The following DHX35 variants were observed in gnomAD, a reference collection of about 807,000 sequenced individuals.
DHX35 encodes DEAH-box helicase 35, also known as probable ATP-dependent RNA helicase DHX35.
In DHX35, 84 loss-of-function variants were observed where a neutral mutation model predicts 99.6. The observed-to-expected ratio is 0.84, with a 90% CI of 0.71 to 1.01. DHX35 has a LOEUF of 1.01. DHX35 is among the 50% of genes least tolerant of loss of function. The pLI is 0.00. For synonymous variants in DHX35, 331 were observed against 316.2 expected (o/e 1.05, Z -0.50); for missense variants, 852 against 888.5 (o/e 0.96, Z 0.52).
chr20:38,992,381 G>A lies in DHX35; in HGVS notation c.538G>A (p.Glu180Lys). 1.2e-6 allele frequency: 2 copies of A among 1,614,076 alleles called. No individual in the cohort carries two copies. Among genetic ancestry groups the A allele is most frequent in the Non-Finnish European group, 1.7e-6 (2 of 1,179,986 alleles). Residue 180 changes from glutamate (E) to lysine (K), a missense_variant, in exon 7 of 22, where the codon GAG (glutamate) becomes AAG (lysine). Coordinates refer to ENST00000252011, the MANE Select transcript of DHX35 (RefSeq NM_021931.4). The stretch of plus-strand genomic sequence containing the variant: ...TGTCATCATGCTGGATGAAGCCCAC[G>A]AGAGGACCTTGTACACTGACATTGC... ...YSVIMLDEAHERTLYTDIAIG... is the reference protein window; with the variant it reads ...YSVIMLDEAHKRTLYTDIAIG...
At chr20:39,002,967 T>G in intron 10 of DHX35, 99 bp downstream of exon 10, 1 of 1,045,222 alleles carries the variant, frequency 9.6e-7, no homozygotes, top group Non-Finnish European at 1.4e-6. Flanking sequence ...TTTCATGTTT[T>G]GTTGTATTTT....
At chr20:38,987,435 G>A (rs924731478) in intron 4 of DHX35, among the ~76,000 whole-genome samples, 10 of 152,204 alleles carry the variant, frequency 6.6e-5, no homozygotes, top group African/African-American at 2.4e-4. Context: ...GTAGAGATGG[G>A]GTTTCACCAT....
intron 8 of DHX35, among the ~76,000 whole-genome samples, chr20:38,997,875 G>A (rs754851517): frequency 2.6e-5 from 4 of 152,312 alleles, no homozygotes; most frequent in East Asian, 3.9e-4. Context: ...ATCTAGAGGC[G>A]TAGGGAAGTC....
chr20:38,970,034 T>C (rs2085970079), intron 2 of DHX35, among the ~76,000 whole-genome samples: 1 of 152,192 alleles, frequency 6.6e-6, no homozygotes, highest in African/African-American at 2.4e-5. Flanking sequence ...TCTTTCTTTC[T>C]CCTGGACGGT....
chr20:38,997,086 T>TTTA (rs1568733756), intron 8 of DHX35, among the ~76,000 whole-genome samples: 34 of 138,816 alleles, frequency 2.4e-4, no homozygotes, highest in African/African-American at 9.7e-4. Context: ...TTATTTATTT[T>TTTA]TTGACACCAA....
At chr20:39,016,907 C>T (rs1202435657) in intron 14 of DHX35, among the ~76,000 whole-genome samples, 3 of 139,996 alleles carry the variant, frequency 2.1e-5, no homozygotes, top group Non-Finnish European at 3.1e-5. Flanking sequence ...TGAAGTTCTT[C>T]ATACATTCTG....
At chr20:38,970,932 A>G (rs2085986561) in intron 2 of DHX35, among the ~76,000 whole-genome samples, 1 of 152,246 alleles carries the variant, frequency 6.6e-6, no homozygotes, top group Non-Finnish European at 1.5e-5. Flanking sequence ...ATATAAAGCA[A>G]AGCAGAGTTT....
rs2086565506 is a variant in DHX35, at chr20:39,003,810, G to A, written c.914G>A (p.Gly305Glu). The A allele has an allele frequency of 3.1e-6, 5 of 1,614,184 alleles. No homozygotes were observed. In the African/African-American group the frequency reaches 6.7e-5, roughly 22 times the overall value. The change falls in exon 11 of 22, where the codon GGG becomes GAG. Residue 305 changes from glycine to glutamate, a missense_variant. By Grantham distance (98) the Gly-to-Glu change is moderately conservative (BLOSUM62 -2). Coordinates refer to ENST00000252011, the MANE Select transcript of DHX35 (RefSeq NM_021931.4). ...CAGGCTCGAGCACTAGCTCGCACTG[G>A]GATGAAGAGACACCTCCGAGTTCTC... ...IEQARALART[G>E]MKRHLRVLPM...
intron 14 of DHX35, among the ~76,000 whole-genome samples, chr20:39,018,407 A>T (rs943967147): frequency 2.0e-5 from 3 of 152,058 alleles, no homozygotes; most frequent in Non-Finnish European, 4.4e-5. Context: ...TGAGGCCATC[A>T]GGAAGATGCC....
intron 19 of DHX35, 121 bp downstream of exon 19, chr20:39,028,620 C>T: frequency 1.8e-6 from 2 of 1,119,850 alleles, no homozygotes; most frequent in Non-Finnish European, 2.6e-6. Context: ...ACCATGTCTC[C>T]TTCCAAAACT....
rs764059682 is a variant in DHX35, at chr20:39,018,892, T to C, written c.1491T>C (p.Leu497=). ...ATCCCATGTTTGCCAAAATGCTGCT[T>C]GAATCAGGTGGGTAGAGCCTGATAG... ...PLNPMFAKML[L]ESGNFGCSQE... Residue 497 remains leucine, a synonymous_variant, in exon 15 of 22, where the codon CTT becomes CTC. Coordinates refer to ENST00000252011, the MANE Select transcript of DHX35 (RefSeq NM_021931.4). 30 of 1,613,924 alleles carry C rather than the reference T, an allele frequency of 1.9e-5. No individual in the cohort carries two copies. The South Asian group carries it at 2.3e-4, about 12-fold the overall frequency.
At chr20:38,992,520 C>A in intron 7 of DHX35, 95 bp downstream of exon 7, 4 of 1,171,374 alleles carry the variant, frequency 3.4e-6, no homozygotes, top group African/African-American at 1.5e-5. Context: ...AACAAAATAC[C>A]AAGGAAGAAA....
chr20:39,003,027 T>G (rs1181183573), intron 10 of DHX35, among the ~76,000 whole-genome samples, 159 bp downstream of exon 10: 4 of 152,238 alleles, frequency 2.6e-5, no homozygotes, highest in Non-Finnish European at 5.9e-5. Context: ...TCATCTACCA[T>G]CTAGATTGTC....
At position 39,018,806 on chromosome 20, in the gene DHX35, CT is replaced by C; in HGVS notation, c.1406del (p.Leu469ArgfsTer7). 1.2e-6 allele frequency: 2 copies of C among 1,613,510 alleles called. No homozygotes were observed. The highest frequency in any genetic ancestry group is 1.7e-6 in the Non-Finnish European group (2 of 1,179,698). The stretch of plus-strand genomic sequence containing the variant: ...TTCTTTTGTTGTTCTTATGGCAGGT[CT>C]GGACAAAGACTGTCGCCTAACTGAA... ...ALELLYALGGLDKDCRLTEPL... is the reference protein window; with the variant it reads ...ALELLYALGGXDKDCRLTEPL... On this transcript the variant is annotated frameshift_variant, in exon 15 of 22. Transcript: ENST00000252011. LOFTEE classifies it high-confidence loss of function.
chr20:39,003,552 A>T (rs1450107203), intron 10 of DHX35, among the ~76,000 whole-genome samples, 197 bp from the exon 11 acceptor site: 1 of 152,224 alleles, frequency 6.6e-6, no homozygotes, highest in Non-Finnish European at 1.5e-5. Context: ...GTGTAGTTGC[A>T]AAATTTCACC....
chr20:39,022,488 A>C (rs1011187677), intron 16 of DHX35, among the ~76,000 whole-genome samples: 2 of 152,130 alleles, frequency 1.3e-5, no homozygotes, highest in African/African-American at 4.8e-5. Flanking sequence ...AGGCATAGAG[A>C]GGTTAGGTAA....
At chr20:39,004,753 G>C (rs75290867) in intron 11 of DHX35, among the ~76,000 whole-genome samples, 18 of 152,334 alleles carry the variant, frequency 1.2e-4, no homozygotes, top group Admixed American at 4.6e-4. Flanking sequence ...ATTAGATGAG[G>C]ACTGCACAGA....
At chr20:39,007,558 C>A (rs1006922711) in intron 12 of DHX35, among the ~76,000 whole-genome samples, 1 of 152,174 alleles carries the variant, frequency 6.6e-6, no homozygotes, top group African/African-American at 2.4e-5. Context: ...TGGTGTTATC[C>A]TTCTGGGGAT....
rs541146032 is a variant in DHX35, at chr20:38,983,757, G to A, written c.326G>A (p.Arg109Gln). The change falls in exon 4 of 22, where the codon CGA becomes CAA. Residue 109 changes from arginine to glutamine, a missense_variant. By Grantham distance (43) the Arg-to-Gln change is conservative. Coordinates refer to ENST00000252011, the MANE Select transcript of DHX35 (RefSeq NM_021931.4). Reference sequence around the variant, plus strand: ...AGAGTGGTAGGAGTGACCCAGCCTCGAAGAGTGGCTGCTGTTACAGTGAGT... The same window carrying A: ...AGAGTGGTAGGAGTGACCCAGCCTCAAAGAGTGGCTGCTGTTACAGTGAGT... ...EGRVVGVTQPRRVAAVTVAGR... is the reference protein window; with the variant it reads ...EGRVVGVTQPQRVAAVTVAGR... 5.5e-5 allele frequency: 88 copies of A among 1,613,828 alleles called. No homozygotes were observed. Among genetic ancestry groups the A allele is most frequent in the Non-Finnish European group, 6.9e-5 (81 of 1,179,916 alleles).
Sources: gnomAD v4.1 joint callset for allele counts (sites outside exome capture counted in the v4.1 genomes callset) on GRCh38, gnomAD v4.1.1 for gene constraint, MANE v1.5 for transcripts, NCBI Gene and HGNC (gene_info 2026-07-23, HGNC 2026-07-21) for gene names.